Variants in P2RX3 observed in about 807,000 individuals in gnomAD.
P2RX3 encodes the protein purinergic receptor P2X 3.
In P2RX3, 41 loss-of-function variants were observed where a neutral mutation model predicts 51.5. The observed-to-expected ratio is 0.80, with a 90% CI of 0.62 to 1.03. The LOEUF (loss-of-function observed/expected upper bound fraction) is 1.03. Ranked by LOEUF, P2RX3 falls within the 50% of genes least tolerant of loss-of-function variation. The pLI is 0.00. For synonymous variants in P2RX3, 185 were observed against 191.6 expected (o/e 0.97, Z 0.29); for missense variants, 459 against 522.1 (o/e 0.88, Z 1.18).
At position 57,370,932 on chromosome 11, in the gene P2RX3, G is replaced by A. The variant is rs567126185; in HGVS notation, c.*935G>A. On this transcript the variant is annotated 3_prime_UTR_variant, in exon 12 of 12. Transcript: ENST00000263314. ...ACAACAGTGAAAATGCTCCAGTAAGGCCTGGTGCCTTGTGAGCTGCTCAGC... is the reference window on the plus strand; with the variant it reads ...ACAACAGTGAAAATGCTCCAGTAAGACCTGGTGCCTTGTGAGCTGCTCAGC... Among the ~76,000 whole-genome samples the A allele has an allele frequency of 6.6e-6, 1 of 152,202 alleles. No homozygotes were observed. Among genetic ancestry groups the A allele is most frequent in the African/African-American group, 2.4e-5 (1 of 41,440 alleles).
intron 6 of P2RX3, 116 bp from the exon 7 acceptor site, chr11:57,349,641 A>ATTC: frequency 7.7e-7 from 1 of 1,301,540 alleles, no homozygotes; most frequent in Admixed American, 2.1e-5. Flanking sequence ...CGAGGTCCAG[A>ATTC]TGAAGGCTGA....
intron 8 of P2RX3, among the ~76,000 whole-genome samples, chr11:57,364,901 T>G (rs1323621904): frequency 6.6e-6 from 1 of 152,174 alleles, no homozygotes; most frequent in Non-Finnish European, 1.5e-5. Context: ...ACTCTGGGTC[T>G]TACTCTTTCT....
intron 10 of P2RX3, 114 bp downstream of exon 10, chr11:57,368,551 C>T (rs751983089): frequency 1.6e-5 from 19 of 1,178,254 alleles, no homozygotes; most frequent in Non-Finnish European, 2.4e-5. Context: ...AATGTAAAAC[C>T]CCTACCCCCA....
chr11:57,343,233 C>A (rs1180475046), intron 1 of P2RX3, among the ~76,000 whole-genome samples: 1 of 152,204 alleles, frequency 6.6e-6, no homozygotes, highest in Non-Finnish European at 1.5e-5. Context: ...CCCCACTGGG[C>A]ACAAGAAGGA....
chr11:57,347,576 C>T, intron 4 of P2RX3, 98 bp downstream of exon 4: 2 of 1,310,894 alleles, frequency 1.5e-6, no homozygotes, highest in Non-Finnish European at 2.1e-6. Flanking sequence ...CAGCCTGTTC[C>T]ATGTCATTCT....
chr11:57,348,387 G>A, intron 5 of P2RX3, 124 bp downstream of exon 5: 1 of 952,094 alleles, frequency 1.1e-6, no homozygotes, highest in East Asian at 2.7e-5. Context: ...GTCCCTTCCT[G>A]GTGTGGGGGG....
chr11:57,345,813 T>A (rs1260415092), intron 1 of P2RX3, among the ~76,000 whole-genome samples: 1 of 152,076 alleles, frequency 6.6e-6, no homozygotes. Flanking sequence ...TACAGGTAAA[T>A]GACCACTGGG....
At chr11:57,361,506 A>G (rs1321469866) in intron 8 of P2RX3, among the ~76,000 whole-genome samples, 1 of 152,012 alleles carries the variant, frequency 6.6e-6, no homozygotes, top group East Asian at 1.9e-4. Context: ...ATGTGTTCTC[A>G]TTGTTCAGCT....
At chr11:57,363,677 G>A (rs1007615626) in intron 8 of P2RX3, among the ~76,000 whole-genome samples, 9 of 152,336 alleles carry the variant, frequency 5.9e-5, no homozygotes, top group African/African-American at 2.2e-4. Flanking sequence ...GCAAAGAGAG[G>A]AGATAACCAG....
At chr11:57,367,839 T>C (rs1337684969) in intron 8 of P2RX3, among the ~76,000 whole-genome samples, 170 bp from the exon 9 acceptor site, 5 of 152,128 alleles carry the variant, frequency 3.3e-5, no homozygotes, top group Admixed American at 3.3e-4. Flanking sequence ...AAGATGATGC[T>C]TGTGTGAGGG....
chr11:57,340,263 G>A lies in P2RX3; in HGVS notation c.119+1594G>A, dbSNP rs138102016. On this transcript the variant is annotated intron_variant, in intron 1 of 11. Coordinates refer to ENST00000263314, the MANE Select transcript of P2RX3 (RefSeq NM_002559.5). ...CAGAGATTGATGGGGGAGAGAGTGG[G>A]CTCCTAGACCAGCCCGCTCAGCCCC... Among the ~76,000 whole-genome samples, 245 of 152,292 alleles carry A rather than the reference G, an allele frequency of 1.6e-3. 1 individual carries two copies. The highest frequency in any genetic ancestry group is 5.6e-3 in the African/African-American group (231 of 41,568).
At chr11:57,365,826 A>T (rs985433637) in intron 8 of P2RX3, among the ~76,000 whole-genome samples, 2 of 152,216 alleles carry the variant, frequency 1.3e-5, no homozygotes, top group African/African-American at 2.4e-5. Flanking sequence ...ATCACAAGTT[A>T]TCTTCCTCCC....
At chr11:57,368,324 C>A in intron 9 of P2RX3, 48 bp from the exon 10 acceptor site, 1 of 1,603,944 alleles carries the variant, frequency 6.2e-7, no homozygotes, top group South Asian at 1.1e-5. Context: ...GGCCTCACCC[C>A]CATCCCATGG....
chr11:57,345,947 C>G (rs912315420), intron 1 of P2RX3, among the ~76,000 whole-genome samples: 25 of 151,416 alleles, frequency 1.7e-4, no homozygotes, highest in African/African-American at 6.1e-4. Context: ...GCTTCCTCCT[C>G]TGTTCTCATC....
intron 2 of P2RX3, 70 bp from the exon 3 acceptor site, chr11:57,347,046 A>G (rs1332739670): frequency 6.9e-7 from 1 of 1,448,264 alleles, no homozygotes; most frequent in Non-Finnish European, 9.7e-7. Flanking sequence ...AGTGGGGATA[A>G]TCAGTTATAG....
At chr11:57,348,556 G>A (rs997357385) in intron 5 of P2RX3, 71 bp from the exon 6 acceptor site, 19 of 1,309,596 alleles carry the variant, frequency 1.5e-5, no homozygotes, top group African/African-American at 5.8e-5. Context: ...AGGAAAGGTC[G>A]CCCTCAGGTG....
chr11:57,367,874 C>T (rs537150248), intron 8 of P2RX3, 135 bp from the exon 9 acceptor site: 54 of 664,290 alleles, frequency 8.1e-5, no homozygotes, highest in South Asian at 2.5e-4. Flanking sequence ...CAGGGAGGAG[C>T]GTGGCAGTTG....
At position 57,348,219 on chromosome 11, in the gene P2RX3, T is replaced by C. The variant is rs1856477946; in HGVS notation, c.441T>C (p.Cys147=). Residue 147 remains cysteine (C), a synonymous_variant, in exon 5 of 12, where the codon TGT becomes TGC. Coordinates refer to ENST00000263314, the MANE Select transcript of P2RX3 (RefSeq NM_002559.5). Reference sequence around the variant, plus strand: ...ACTACAGCTCTGTGCTCCGGACCTGTGAGATCCAGGGCTGGTGCCCCACGG... The same window carrying C: ...ACTACAGCTCTGTGCTCCGGACCTGCGAGATCCAGGGCTGGTGCCCCACGG... ...CVNYSSVLRT[C]EIQGWCPTEV... 1 of 1,600,994 alleles carries C rather than the reference T, an allele frequency of 6.2e-7. No homozygotes were observed. Among genetic ancestry groups the C allele is most frequent in the Admixed American group, 1.7e-5 (1 of 58,430 alleles).
chr11:57,369,367 GT>G lies in P2RX3; in HGVS notation c.1011del (p.Leu338SerfsTer24), dbSNP rs759635652. ...AAFTSVGVGT[V>X]LCDIILLNFL... ...CCTGCCTCTCCTCCTCCAGGGAACT[GT>G]TCTCTGTGACATCATCCTGCTCAAC... On this transcript the variant is annotated frameshift_variant, in exon 11 of 12. Coordinates refer to ENST00000263314, the MANE Select transcript of P2RX3 (RefSeq NM_002559.5). LOFTEE classifies it high-confidence loss of function. 1 of 1,610,102 alleles carries G rather than the reference GT, an allele frequency of 6.2e-7. No homozygotes were observed. Among genetic ancestry groups the G allele is most frequent in the South Asian group, 1.1e-5 (1 of 90,238 alleles).
Sources: gnomAD v4.1 joint callset for allele counts (sites outside exome capture counted in the v4.1 genomes callset) on GRCh38, gnomAD v4.1.1 for gene constraint, MANE v1.5 for transcripts, NCBI Gene and HGNC (gene_info 2026-07-23, HGNC 2026-07-21) for gene names.